Variants in NDUFAF8 observed in about 807,000 individuals in gnomAD.
NDUFAF8 encodes NADH:ubiquinone oxidoreductase complex assembly factor 8, also known as NADH dehydrogenase [ubiquinone] 1 alpha subcomplex assembly factor 8.
A neutral mutation model predicts 9.9 loss-of-function variants in NDUFAF8; 9 were observed. The observed-to-expected ratio is 0.91, with a 90% CI of 0.55 to 1.59. The LOEUF (loss-of-function observed/expected upper bound fraction) is 1.59, where lower values mean the gene tolerates loss of function less well. Among genes scored for constraint, NDUFAF8 ranks in the 40% most tolerant of loss-of-function variants. NDUFAF8 has a pLI of 0.00. For missense variants in NDUFAF8, 114 were observed against 113.8 expected (o/e 1.00, Z -0.01); for synonymous variants, 63 against 51.2 (o/e 1.23, Z -0.98).
At chr17:81,239,817 C>T in intron 2 of NDUFAF8, 139 bp downstream of exon 2, 1 of 968,944 alleles carries the variant, frequency 1.0e-6, no homozygotes, top group Non-Finnish European at 1.5e-6. Context: ...GACAAAATCA[C>T]CGAGCCATCG....
At chr17:81,240,168 A>G (rs2062801625) in intron 2 of NDUFAF8, 1 of 181,406 alleles carries the variant, frequency 5.5e-6, no homozygotes, top group African/African-American at 2.4e-5. Context: ...GCTTTAAGTC[A>G]TTCTGAGGCT....
chr17:81,239,731 C>T, intron 2 of NDUFAF8, 53 bp downstream of exon 2: 1 of 1,494,780 alleles, frequency 6.7e-7, no homozygotes, highest in Non-Finnish European at 9.0e-7. Flanking sequence ...CTCCAAGAGC[C>T]AGCGGGCCCC....
intron 1 of NDUFAF8, 30 bp downstream of exon 1, chr17:81,239,477 G>T: frequency 7.3e-7 from 1 of 1,370,218 alleles, no homozygotes. Flanking sequence ...CCAGTGCTGC[G>T]GGGCAGGAGG....
chr17:81,239,359 C>T lies in NDUFAF8; in HGVS notation c.-5C>T, dbSNP rs1598367497. On this transcript the variant is annotated 5_prime_UTR_variant, in exon 1 of 3. Transcript: ENST00000431388. ...CGGCCTCCAGGGGGCTGGGAATAGC[C>T]GCTCATGTCGGCTAACGGAGCGGTG... The T allele has an allele frequency of 7.3e-7, 1 of 1,365,026 alleles. No individual in the cohort carries two copies. The highest frequency in any genetic ancestry group is 3.1e-5 in the East Asian group (1 of 32,226). The allele number at this position is 1,365,026 out of a possible 1,614,324, so 84.6% of individuals were successfully genotyped here.
Position 81,241,060 on chromosome 17 carries a change from A to G in NDUFAF8, c.*44A>G. ...CACCTGTCTGCTGCCATGGGTGCAG[A>G]GCCCTAGTCCTGATGGCCCCTGGTG... On this transcript the variant is annotated 3_prime_UTR_variant, in exon 3 of 3. Coordinates refer to ENST00000431388, the MANE Select transcript of NDUFAF8 (RefSeq NM_001086521.2). 1.2e-6 allele frequency: 2 copies of G among 1,607,816 alleles called. No homozygotes were observed. Among genetic ancestry groups the G allele is most frequent in the Non-Finnish European group, 1.7e-6 (2 of 1,177,012 alleles).
intron 2 of NDUFAF8, chr17:81,240,549 G>C (rs1228647678): frequency 6.3e-6 from 1 of 158,876 alleles, no homozygotes; most frequent in Admixed American, 6.3e-5. Context: ...TGGTGGTGTA[G>C]TCCCAGTTAC....
Position 81,241,113 on chromosome 17 carries a change from G to T in NDUFAF8, c.*97G>T, listed in dbSNP as rs780747651. 4.0e-6 allele frequency: 6 copies of T among 1,485,370 alleles called. No homozygotes were observed. The South Asian group carries it at 6.7e-5, about 17-fold the overall frequency. The allele number at this position is 1,485,370 out of a possible 1,614,324, so 92.0% of individuals were successfully genotyped here. On this transcript the variant is annotated 3_prime_UTR_variant, in exon 3 of 3. Coordinates refer to ENST00000431388, the MANE Select transcript of NDUFAF8 (RefSeq NM_001086521.2). Reference sequence around the variant, plus strand: ...ACATATCGAATGCCTAGGGCAGAAAGGAAGTGGGAATGGCGAAGATGTGAC... The same window carrying T: ...ACATATCGAATGCCTAGGGCAGAAATGAAGTGGGAATGGCGAAGATGTGAC...
chr17:81,241,269 G>C lies in NDUFAF8; in HGVS notation c.*253G>C, dbSNP rs914591301. 11 of 1,129,594 alleles carry C rather than the reference G, an allele frequency of 9.7e-6. No individual in the cohort carries two copies. The African/African-American group carries it at 1.6e-4, about 16-fold the overall frequency. The allele number at this position is 1,129,594 out of a possible 1,614,324, so 70.0% of individuals were successfully genotyped here. A position where few individuals can be genotyped will look rare whatever the true frequency, so the allele number is the denominator to read the frequency against. On this transcript the variant is annotated 3_prime_UTR_variant, in exon 3 of 3. Transcript: ENST00000431388. The stretch of plus-strand genomic sequence containing the variant: ...TAACGGAAGCCACGATAAAGACTCG[G>C]TCAAATCCTGCAGCCTGGGGCTTAC...
At chr17:81,240,615 G>A (rs754270486) in intron 2 of NDUFAF8, among the ~76,000 whole-genome samples, 31 of 150,962 alleles carry the variant, frequency 2.1e-4, no homozygotes, top group South Asian at 4.3e-4. Flanking sequence ...GTTGCAGTGA[G>A]CCGAGATCAC....
At chr17:81,239,764 G>T in intron 2 of NDUFAF8, 86 bp downstream of exon 2, 1 of 1,377,678 alleles carries the variant, frequency 7.3e-7, no homozygotes. Flanking sequence ...CTTTCCCGTT[G>T]GTTCAAGGTT....
chr17:81,241,281 A>G lies in NDUFAF8; in HGVS notation c.*265A>G. 1 of 1,033,040 alleles carries G rather than the reference A, an allele frequency of 9.7e-7. No individual in the cohort carries two copies. The highest frequency in any genetic ancestry group is 1.3e-6 in the Non-Finnish European group (1 of 780,986). The allele number at this position is 1,033,040 out of a possible 1,614,324, so 64.0% of individuals were successfully genotyped here. ...CGATAAAGACTCGGTCAAATCCTGC[A>G]GCCTGGGGCTTACTGTGTGCAGACT... On this transcript the variant is annotated 3_prime_UTR_variant, in exon 3 of 3. Transcript: ENST00000431388.
chr17:81,239,320 C>G lies in NDUFAF8; in HGVS notation c.-44C>G. 2 of 1,364,394 alleles carry G rather than the reference C, an allele frequency of 1.5e-6. No individual in the cohort carries two copies. 84.5% of individuals were successfully genotyped at this position (1,364,394 alleles called of 1,614,324 possible). On this transcript the variant is annotated 5_prime_UTR_variant, in exon 1 of 3. Coordinates refer to ENST00000431388, the MANE Select transcript of NDUFAF8 (RefSeq NM_001086521.2). ...CAAGCTGTTTGACACCGGAAGAGGA[C>G]GGACCTAAGATGGCGGCCTCCAGGG...
intron 2 of NDUFAF8, 24 bp downstream of exon 2, chr17:81,239,702 CCCCTTCCCAG>C: frequency 6.5e-7 from 1 of 1,530,304 alleles, no homozygotes; most frequent in South Asian, 1.2e-5. Context: ...GGCCCCTTCC[CCCCTTCCCAG>C]CCCTTCCCCT....
In NDUFAF8 at chr17:81,241,069, C is replaced by G; in HGVS notation, c.*53C>G. 6.3e-7 allele frequency: 1 copy of G among 1,584,840 alleles called. No individual in the cohort carries two copies. Among genetic ancestry groups the G allele is most frequent in the African/African-American group, 1.4e-5 (1 of 73,956 alleles). On this transcript the variant is annotated 3_prime_UTR_variant, in exon 3 of 3. Transcript: ENST00000431388. Reference sequence around the variant, plus strand: ...GCTGCCATGGGTGCAGAGCCCTAGTCCTGATGGCCCCTGGTGGCACATATC... The same window carrying G: ...GCTGCCATGGGTGCAGAGCCCTAGTGCTGATGGCCCCTGGTGGCACATATC...
At position 81,241,134 on chromosome 17, in the gene NDUFAF8, G is replaced by A; in HGVS notation, c.*118G>A. ...GAAAGGAAGTGGGAATGGCGAAGAT[G>A]TGACATTCCTCGGTGTTAGATCCTG... is the stretch of plus-strand genomic sequence containing the variant. On this transcript the variant is annotated 3_prime_UTR_variant, in exon 3 of 3. Coordinates refer to ENST00000431388, the MANE Select transcript of NDUFAF8 (RefSeq NM_001086521.2). 6.9e-7 allele frequency: 1 copy of A among 1,447,378 alleles called. No individual in the cohort carries two copies. The highest frequency in any genetic ancestry group is 1.4e-5 in the South Asian group (1 of 69,148). The allele number at this position is 1,447,378 out of a possible 1,614,324, so 89.7% of individuals were successfully genotyped here.
intron 2 of NDUFAF8, 105 bp from the exon 3 acceptor site, chr17:81,240,882 C>T (rs2062811895): frequency 2.1e-6 from 3 of 1,413,728 alleles, no homozygotes; most frequent in Non-Finnish European, 1.9e-6. Flanking sequence ...CACCCAAGTT[C>T]TCTGTAAGGT....
chr17:81,239,447 G>C lies in NDUFAF8; in HGVS notation c.84G>C (p.Glu28Asp). ...FPERLAACGA[E>D]AAAYGRCVQA... The stretch of plus-strand genomic sequence containing the variant: ...AGCGGCTGGCCGCCTGCGGGGCCGA[G>C]GTGAGGAGCCGCGGGCGGGCCAGTG... Residue 28 changes from glutamate to aspartate, a missense_variant and splice_region_variant, in exon 1 of 3, where the codon GAG (glutamate) becomes GAC (aspartate). Transcript: ENST00000431388. 5 of 1,369,038 alleles carry C rather than the reference G, an allele frequency of 3.7e-6. No homozygotes were observed. Among genetic ancestry groups the C allele is most frequent in the Non-Finnish European group, 4.7e-6 (5 of 1,062,698 alleles). The allele number at this position is 1,369,038 out of a possible 1,614,324, so 84.8% of individuals were successfully genotyped here. A position where few individuals can be genotyped will look rare whatever the true frequency, so the allele number is the denominator to read the frequency against.
At chr17:81,239,829 C>T (rs956138431) in intron 2 of NDUFAF8, 151 bp downstream of exon 2, 5 of 872,338 alleles carry the variant, frequency 5.7e-6, no homozygotes, top group African/African-American at 1.7e-5. Flanking sequence ...GAGCCATCGA[C>T]GAGCCCGCGA....
rs746684373 is a variant in NDUFAF8, at chr17:81,239,638, C to T, written c.155C>T (p.Ala52Val). 146 of 1,540,384 alleles carry T rather than the reference C, an allele frequency of 9.5e-5. No individual in the cohort carries two copies. The Middle Eastern group carries it at 1.5e-3, about 16-fold the overall frequency. The change falls in exon 2 of 3, where the codon GCG becomes GTG. Residue 52 changes from alanine to valine, a missense_variant. Physicochemically the swap from Ala to Val is moderately conservative, Grantham distance 64. Coordinates refer to ENST00000431388, the MANE Select transcript of NDUFAF8 (RefSeq NM_001086521.2). ...GGCCGCCTGAGTAAGGACTTCTGCG[C>T]GCGGGAGTTCGAGGCCCTGCGGAGC... ...PGGRLSKDFC[A>V]REFEALRSCF...
Sources: gnomAD v4.1 joint callset for allele counts (sites outside exome capture counted in the v4.1 genomes callset) on GRCh38, gnomAD v4.1.1 for gene constraint, MANE v1.5 for transcripts, NCBI Gene and HGNC (gene_info 2026-07-23, HGNC 2026-07-21) for gene names.